CCSER1: variants seen among roughly 807,000 people sequenced by gnomAD.
The protein encoded by CCSER1 is serine-rich coiled-coil domain-containing protein 1.
A neutral mutation model predicts 82.0 loss-of-function variants in CCSER1; 41 were observed. The ratio of observed to expected loss-of-function variants is 0.50; its 90% CI spans 0.39 to 0.65. CCSER1 has a LOEUF of 0.65. Among genes scored for constraint, CCSER1 ranks in the 30% least tolerant of loss-of-function variants. The pLI is 0.00. For synonymous variants in CCSER1, 414 were observed against 383.9 expected (o/e 1.08, Z -0.92); for missense variants, 1,119 against 1,064.2 (o/e 1.05, Z -0.72).
At chr4:90,632,755 C>A (rs1724683064) in intron 6 of CCSER1, among the ~76,000 whole-genome samples, 1 of 152,062 alleles carries the variant, frequency 6.6e-6, no homozygotes, top group Non-Finnish European at 1.5e-5. Flanking sequence ...CTGAAACCTT[C>A]CTCTACTTAG....
chr4:90,683,165 A>G (rs1458310836), intron 6 of CCSER1: 1 of 152,142 alleles, frequency 6.6e-6, no homozygotes, highest in Non-Finnish European at 1.5e-5. Flanking sequence ...TATTAAATGT[A>G]AAAACTTTCC....
intron 10 of CCSER1, among the ~76,000 whole-genome samples, chr4:91,444,694 C>T (rs1200415611): frequency 6.6e-6 from 1 of 152,206 alleles, no homozygotes; most frequent in African/African-American, 2.4e-5. Context: ...AGGTGACCAG[C>T]CCACCTTGGC....
chr4:91,157,308 GTTGA>G (rs1250041649), intron 10 of CCSER1, among the ~76,000 whole-genome samples: 1 of 151,904 alleles, frequency 6.6e-6, no homozygotes, highest in Non-Finnish European at 1.5e-5. Flanking sequence ...AATACTGTAA[GTTGA>G]AATTAAGAAG....
intron 9 of CCSER1, among the ~76,000 whole-genome samples, chr4:91,004,179 A>G (rs901438664): frequency 6.6e-6 from 1 of 152,046 alleles, no homozygotes; most frequent in African/African-American, 2.4e-5. Flanking sequence ...AAACGTCACA[A>G]TGTGAGTCTC....
intron 9 of CCSER1, among the ~76,000 whole-genome samples, chr4:91,027,635 A>G (rs1485448314): frequency 1.3e-5 from 2 of 150,886 alleles, no homozygotes; most frequent in African/African-American, 4.9e-5. Context: ...TTCGGTAGCA[A>G]TGTTGTGGCA....
At chr4:91,104,244 A>G (rs116638209) in intron 10 of CCSER1, among the ~76,000 whole-genome samples, 2,921 of 152,128 alleles carry the variant, frequency 0.019, 95 homozygotes, top group African/African-American at 0.064. Flanking sequence ...TTGCTTTGTG[A>G]TTTTTGTTGG....
Position 90,321,422 on chromosome 4 carries a change from C to A in CCSER1, c.1509+8375C>A, listed in dbSNP as rs1000595627. Among the ~76,000 whole-genome samples, 6 of 152,192 alleles carry A rather than the reference C, an allele frequency of 3.9e-5. No individual in the cohort carries two copies. In the South Asian group the frequency reaches 1.2e-3, roughly 32 times the overall value. On this transcript the variant is annotated intron_variant, in intron 3 of 10. Transcript: ENST00000509176. ...CTGATTTTTATGGCTGAATAATATT[C>A]TATTGTGTGTATGTACCACATTTTC...
intron 5 of CCSER1, among the ~76,000 whole-genome samples, chr4:90,592,998 A>G (rs1401820620): frequency 6.6e-6 from 1 of 152,184 alleles, no homozygotes; most frequent in Admixed American, 6.6e-5. Context: ...AAATAATTGT[A>G]TAAATTCCAG....
intron 5 of CCSER1, among the ~76,000 whole-genome samples, chr4:90,577,365 C>G (rs1192101623): frequency 6.6e-6 from 1 of 151,958 alleles, no homozygotes; most frequent in Non-Finnish European, 1.5e-5. Flanking sequence ...GATTTTTTAA[C>G]TCTCATAATT....
chr4:90,822,941 T>C (rs1201277985), intron 8 of CCSER1, among the ~76,000 whole-genome samples: 1 of 152,126 alleles, frequency 6.6e-6, no homozygotes, highest in East Asian at 1.9e-4. Flanking sequence ...TTACTAACAT[T>C]ACAACAACTA....
At chr4:90,171,756 T>C (rs182304729) in intron 1 of CCSER1, among the ~76,000 whole-genome samples, 166 of 151,882 alleles carry the variant, frequency 1.1e-3, no homozygotes, top group Non-Finnish European at 1.7e-3. Flanking sequence ...GTTAAAAGAG[T>C]TCTGCATAAA....
intron 5 of CCSER1, among the ~76,000 whole-genome samples, chr4:90,606,965 T>C (rs1784807366): frequency 6.6e-6 from 1 of 152,208 alleles, no homozygotes; most frequent in African/African-American, 2.4e-5. Context: ...CTGAAGGTAT[T>C]TTCATAAGTT....
Position 91,207,222 on chromosome 4 carries a change from T to C in CCSER1, c.2217+121228T>C, listed in dbSNP as rs141548025. ...AGAGTTTCCTTTAAAATATTTTAAC[T>C]TTTATTTTATGTTCAGGTGTACATG... is the stretch of plus-strand genomic sequence containing the variant. On this transcript the variant is annotated intron_variant, in intron 10 of 10. Coordinates refer to ENST00000509176, the MANE Select transcript of CCSER1 (RefSeq NM_001145065.2). Among the ~76,000 whole-genome samples, 1,119 of 151,950 alleles carry C rather than the reference T, an allele frequency of 7.4e-3. 10 individuals are homozygous for C. Among genetic ancestry groups the C allele is most frequent in the African/African-American group, 0.025 (1,050 of 41,486 alleles).
At chr4:91,210,418 A>T (rs561985118) in intron 10 of CCSER1, among the ~76,000 whole-genome samples, 37 of 151,626 alleles carry the variant, frequency 2.4e-4, no homozygotes, top group Non-Finnish European at 4.7e-4. Flanking sequence ...ATACTTATTA[A>T]TTGGACAATT....
At chr4:90,886,705 C>T (rs534075279) in intron 8 of CCSER1, among the ~76,000 whole-genome samples, 52 of 152,198 alleles carry the variant, frequency 3.4e-4, no homozygotes, top group African/African-American at 1.2e-3. Context: ...AAAGTTGAAA[C>T]GCAAAGAGGT....
chr4:91,144,352 T>C (rs1404599025), intron 10 of CCSER1, among the ~76,000 whole-genome samples: 1 of 151,846 alleles, frequency 6.6e-6, no homozygotes, highest in Non-Finnish European at 1.5e-5. Flanking sequence ...ATCTCTCTTT[T>C]TTTCTCTGTG....
chr4:91,139,655 T>C (rs1728836258), intron 10 of CCSER1, among the ~76,000 whole-genome samples: 1 of 152,156 alleles, frequency 6.6e-6, no homozygotes, highest in African/African-American at 2.4e-5. Flanking sequence ...AAAATGCATA[T>C]AAAATATCAT....
At position 90,804,802 on chromosome 4, in the gene CCSER1, TC is replaced by T. The variant is rs529151037; in HGVS notation, c.2011-10959del. On this transcript the variant is annotated intron_variant, in intron 7 of 10. Transcript: ENST00000509176. ...GAACCTGGGACAAACTACCCAAATT[TC>T]TGAGTATGTGGCTGTAACTTTCCGG... Among the ~76,000 whole-genome samples, 230 of 152,250 alleles carry T rather than the reference TC, an allele frequency of 1.5e-3. 1 individual carries two copies. The highest frequency in any genetic ancestry group is 5.4e-3 in the African/African-American group (223 of 41,542).
intron 1 of CCSER1, among the ~76,000 whole-genome samples, chr4:90,154,891 C>T (rs1351506648): frequency 4.6e-5 from 7 of 151,918 alleles, no homozygotes; most frequent in Admixed American, 1.3e-4. Context: ...TGCCTAATTG[C>T]CCTGGCCAGA....
Sources: gnomAD v4.1 joint callset for allele counts (sites outside exome capture counted in the v4.1 genomes callset) on GRCh38, gnomAD v4.1.1 for gene constraint, MANE v1.5 for transcripts, NCBI Gene and HGNC (gene_info 2026-07-23, HGNC 2026-07-21) for gene names.